Variants in FAM169A observed in about 807,000 individuals in gnomAD.
FAM169A encodes soluble lamin-associated protein of 75 kDa.
FAM169A carries 24 observed loss-of-function variants against 75.7 expected under a neutral mutation model. That is an observed-to-expected ratio of 0.32 (90% confidence interval 0.23 to 0.45). FAM169A has a LOEUF of 0.45. FAM169A is among the 20% of genes least tolerant of loss of function. FAM169A has a pLI of 1.00. For missense variants in FAM169A, 673 were observed against 784.0 expected (o/e 0.86, Z 1.69); for synonymous variants, 271 against 271.0 (o/e 1.00, Z 0.00).
intron 1 of FAM169A, among the ~76,000 whole-genome samples, chr5:74,859,448 C>A (rs925874782): frequency 2.0e-5 from 3 of 151,646 alleles, no homozygotes; most frequent in Non-Finnish European, 4.4e-5. Context: ...TGCCATCAAG[C>A]CTGGCTAATT....
chr5:74,801,009 G>T lies in FAM169A; in HGVS notation c.974C>A (p.Ser325Tyr), dbSNP rs756307572. The T allele has an allele frequency of 1.6e-4, 249 of 1,559,954 alleles. No individual in the cohort carries two copies. Among genetic ancestry groups the T allele is most frequent in the Admixed American group, 2.6e-4 (14 of 53,100 alleles). Residue 325 changes from serine to tyrosine, a missense_variant, in exon 10 of 13, where the codon TCC becomes TAC. Physicochemically the swap from Ser to Tyr is moderately radical, Grantham distance 144. Transcript: ENST00000687041. ...TAGATTACCACTTCGAGTATGAGTG[G>T]AAACAGATGTTTTATCATGACCTGA... is the stretch of plus-strand genomic sequence containing the variant. The part of the protein sequence containing the change: ...TSEGHDKTSV[S>Y]THTRSGNLKR...
At chr5:74,782,614 T>C (rs1224805685) in intron 12 of FAM169A, among the ~76,000 whole-genome samples, 3 of 152,236 alleles carry the variant, frequency 2.0e-5, no homozygotes, top group Non-Finnish European at 2.9e-5. Flanking sequence ...GTTTTGGTCA[T>C]AGTCTATGTA....
chr5:74,784,950 TTGTCAC>T lies in FAM169A; in HGVS notation c.1261-1822_1261-1817del, dbSNP rs374559195. Among the ~76,000 whole-genome samples the T allele has an allele frequency of 3.4e-3, 512 of 150,140 alleles. 6 individuals carry two copies. Among genetic ancestry groups the T allele is most frequent in the African/African-American group, 0.012 (491 of 40,740 alleles). ...AAAAAAAAAAAAATGAAAATGATAG[TTGTCAC>T]TGTCACTGGTATATGTCTTATTGAT... is the stretch of plus-strand genomic sequence containing the variant. On this transcript the variant is annotated intron_variant, in intron 11 of 12. Coordinates refer to ENST00000687041, the MANE Select transcript of FAM169A (RefSeq NM_001376049.1).
chr5:74,816,845 C>T (rs912023549), intron 5 of FAM169A, among the ~76,000 whole-genome samples: 6 of 152,070 alleles, frequency 3.9e-5, no homozygotes, highest in African/African-American at 9.7e-5. Flanking sequence ...TATTGTTATT[C>T]ACCCCCCAAG....
chr5:74,797,525 C>T (rs1746342474), intron 10 of FAM169A, among the ~76,000 whole-genome samples: 1 of 152,158 alleles, frequency 6.6e-6, no homozygotes, highest in Admixed American at 6.5e-5. Flanking sequence ...TCCTTAGCAA[C>T]ATCCCTCCTA....
intron 6 of FAM169A, among the ~76,000 whole-genome samples, chr5:74,806,767 C>G (rs1291392965): frequency 1.3e-5 from 2 of 152,054 alleles, no homozygotes; most frequent in Non-Finnish European, 2.9e-5. Context: ...GTAAAACAAA[C>G]AATTAGTACT....
intron 5 of FAM169A, among the ~76,000 whole-genome samples, chr5:74,818,595 G>C (rs1244885913): frequency 3.0e-5 from 1 of 33,162 alleles, no homozygotes; most frequent in African/African-American, 1.3e-4. Context: ...CTGCCAAAAA[G>C]AGTATATACT....
chr5:74,809,035 C>T (rs1439639575), intron 6 of FAM169A, among the ~76,000 whole-genome samples: 1 of 151,944 alleles, frequency 6.6e-6, no homozygotes, highest in Non-Finnish European at 1.5e-5. Context: ...ACCAACACAA[C>T]AGGCCACAAA....
chr5:74,829,971 A>C (rs1046540324), intron 5 of FAM169A, among the ~76,000 whole-genome samples: 1 of 152,100 alleles, frequency 6.6e-6, no homozygotes, highest in Admixed American at 6.6e-5. Flanking sequence ...GTGAGACTCC[A>C]TCTCAAAAAA....
chr5:74,799,875 C>T (rs1580094168), intron 10 of FAM169A: 9 of 1,000,736 alleles, frequency 9.0e-6, no homozygotes, highest in Non-Finnish European at 1.4e-5. Context: ...GAGCATCCAA[C>T]GCAACATGTC....
At chr5:74,799,617 C>T (rs1475056845) in intron 10 of FAM169A, 9 of 1,434,786 alleles carry the variant, frequency 6.3e-6, no homozygotes, top group African/African-American at 1.4e-5. Context: ...GCTGGGTCCA[C>T]GGGGTCAGCT....
rs1188931224 is a variant in FAM169A at position 74,780,036 on chromosome 5, G to C, written c.*1424C>G. On this transcript the variant is annotated 3_prime_UTR_variant, in exon 13 of 13. Transcript: ENST00000687041. ...TTTGAGTACACATAATATTTCCAAA[G>C]AGTAGAACTGTTTTTAGATTATCTT... 6.6e-6 allele frequency: 1 copy of C among 152,152 alleles called. No homozygotes were observed. Among genetic ancestry groups the C allele is most frequent in the Non-Finnish European group, 1.5e-5 (1 of 68,016 alleles). The allele number at this position is 152,152 out of a possible 1,614,324, so 9.4% of individuals were successfully genotyped here. A position where few individuals can be genotyped will look rare whatever the true frequency, so the allele number is the denominator to read the frequency against.
At chr5:74,862,837 T>C (rs1750108161) in intron 1 of FAM169A, among the ~76,000 whole-genome samples, 1 of 152,190 alleles carries the variant, frequency 6.6e-6, no homozygotes, top group African/African-American at 2.4e-5. Context: ...AGTTAGACCT[T>C]AAGGAATTGT....
chr5:74,866,557 G>C, upstream of FAM169A: 2 of 511,526 alleles, frequency 3.9e-6, no homozygotes, highest in Non-Finnish European at 5.0e-6. Flanking sequence ...TGGCCAGCCC[G>C]GGGGCGTCAC....
chr5:74,853,905 A>G (rs16872346), intron 1 of FAM169A, among the ~76,000 whole-genome samples: 53,913 of 151,172 alleles, frequency 0.36, 12,811 homozygotes, highest in African/African-American at 0.68. Flanking sequence ...TGGTTACTAC[A>G]CAATAAAAAT....
chr5:74,783,202 C>CG, intron 11 of FAM169A, 68 bp from the exon 12 acceptor site: 1 of 1,161,436 alleles, frequency 8.6e-7, no homozygotes, highest in Non-Finnish European at 1.2e-6. Flanking sequence ...TCATGCATGA[C>CG]GGGTCCCTTC....
At chr5:74,865,676 G>C (rs1346087963) in intron 1 of FAM169A, 4 of 152,396 alleles carry the variant, frequency 2.6e-5, no homozygotes, top group Non-Finnish European at 5.9e-5. Flanking sequence ...TACAGGTAAA[G>C]GAAGGCGGTC....
intron 1 of FAM169A, among the ~76,000 whole-genome samples, chr5:74,859,925 G>A (rs1474788891): frequency 1.3e-5 from 2 of 152,066 alleles, no homozygotes; most frequent in African/African-American, 2.4e-5. Context: ...ATAATAAAAG[G>A]GAGAAAAGGT....
intron 5 of FAM169A, among the ~76,000 whole-genome samples, chr5:74,830,821 T>C (rs1748275724): frequency 6.6e-6 from 1 of 152,174 alleles, no homozygotes; most frequent in African/African-American, 2.4e-5. Flanking sequence ...AAAATATTGA[T>C]ATATAAATGA....
Sources: gnomAD v4.1 joint callset for allele counts (sites outside exome capture counted in the v4.1 genomes callset) on GRCh38, gnomAD v4.1.1 for gene constraint, MANE v1.5 for transcripts, NCBI Gene and HGNC (gene_info 2026-07-23, HGNC 2026-07-21) for gene names.